The following NFRKB variants were observed in gnomAD, a reference collection of about 807,000 sequenced individuals.
NFRKB encodes nuclear factor related to kappa-B-binding protein.
In NFRKB, 62 loss-of-function variants were observed where a neutral mutation model predicts 135.7. The observed-to-expected ratio is 0.46, with a 90% CI of 0.37 to 0.56. The LOEUF (loss-of-function observed/expected upper bound fraction) is 0.56. Among genes scored for constraint, NFRKB ranks in the 20% least tolerant of loss-of-function variants. The pLI is 0.00. For missense variants in NFRKB, 1,545 were observed against 1,662.0 expected, an observed-to-expected ratio of 0.93 and a Z score of 1.22; for synonymous variants, 678 against 635.6, an observed-to-expected ratio of 1.07 and a Z score of -1.00.
intron 3 of NFRKB, 78 bp from the exon 4 acceptor site, chr11:129,888,873 C>T: frequency 1.0e-6 from 1 of 993,358 alleles, no homozygotes; most frequent in Non-Finnish European, 1.5e-6. Flanking sequence ...CAAAACATTA[C>T]ATAATATACA....
At chr11:129,877,241 G>GGTA (rs1429506486) in intron 16 of NFRKB, 84 bp downstream of exon 16, 5 of 1,338,178 alleles carry the variant, frequency 3.7e-6, no homozygotes, top group Non-Finnish European at 4.3e-6. Context: ...CTTGCAAGAA[G>GGTA]GTAGATGCAG....
intron 25 of NFRKB, 28 bp from the exon 26 acceptor site, chr11:129,865,129 T>C (rs1349357411): frequency 1.3e-6 from 2 of 1,597,078 alleles, no homozygotes; most frequent in East Asian, 2.3e-5. Flanking sequence ...GGGTGAGATA[T>C]AATGATATCG....
At position 129,879,353 on chromosome 11, in the gene NFRKB, T is replaced by C. The variant is rs140648476; in HGVS notation, c.1385-810A>G. 7.8e-3 allele frequency among the ~76,000 whole-genome samples: 1,193 copies of C among 152,246 alleles called. 18 individuals carry two copies. Among genetic ancestry groups the C allele is most frequent in the African/African-American group, 0.027 (1,124 of 41,542 alleles). On this transcript the variant is annotated intron_variant, in intron 13 of 26. Coordinates refer to ENST00000682444, the MANE Select transcript of NFRKB (RefSeq NM_001143835.2). The stretch of plus-strand genomic sequence containing the variant: ...TTATTATCTGGCCCTACAAGAAACA[T>C]TCTGCCAGGCCCAGGTATATGTGCT...
At position 129,886,314 on chromosome 11, in the gene NFRKB, T is replaced by C. The variant is rs1949275352; in HGVS notation, c.465+3A>G. 1 of 1,613,876 alleles carries C rather than the reference T, an allele frequency of 6.2e-7. No homozygotes were observed. Among genetic ancestry groups the C allele is most frequent in the Non-Finnish European group, 8.5e-7 (1 of 1,179,832 alleles). On this transcript the variant is annotated splice_donor_region_variant and intron_variant, in intron 5 of 26. Coordinates refer to ENST00000682444, the MANE Select transcript of NFRKB (RefSeq NM_001143835.2). ...TTTATATCCAGTTCCCAGCACTACT[T>C]ACACTCCGGGAAGCAAGAATTTGCT... is the stretch of plus-strand genomic sequence containing the variant.
intron 3 of NFRKB, among the ~76,000 whole-genome samples, chr11:129,889,869 G>A (rs1246809766): frequency 7.9e-5 from 12 of 151,430 alleles, no homozygotes; most frequent in Admixed American, 7.9e-4. Flanking sequence ...GATAAGACAG[G>A]GTACGTGGTG....
At chr11:129,882,311 T>C (rs970733377) in intron 10 of NFRKB, 117 bp from the exon 11 acceptor site, 1 of 1,345,516 alleles carries the variant, frequency 7.4e-7, no homozygotes, top group African/African-American at 1.5e-5. Context: ...GCAAACAATA[T>C]ATTTTCCCAG....
intron 24 of NFRKB, among the ~76,000 whole-genome samples, chr11:129,866,519 C>T (rs1948200237): frequency 6.6e-6 from 1 of 151,620 alleles, no homozygotes; most frequent in African/African-American, 2.4e-5. Context: ...AGAGGCCATG[C>T]TCTCCGGTGC....
chr11:129,876,746 A>G lies in NFRKB; in HGVS notation c.1722T>C (p.Pro574=). 6.2e-7 allele frequency: 1 copy of G among 1,613,938 alleles called. No homozygotes were observed. The highest frequency in any genetic ancestry group is 8.5e-7 in the Non-Finnish European group (1 of 1,179,902). The part of the protein sequence containing the change: ...REHSLLRSDR[P]AYVTILSLVR... ...CAAGAGACAGAATGGTGACGTAGGC[A>G]GGCCGGTCGGAGCGCAGCAGGGAGT... is the stretch of plus-strand genomic sequence containing the variant. Residue 574 remains proline (P), a synonymous_variant, in exon 17 of 27, where the codon CCT becomes CCC. Transcript: ENST00000682444.
Position 129,884,850 on chromosome 11 carries a change from C to T in NFRKB, c.641-4G>A. The T allele has an allele frequency of 6.2e-7, 1 of 1,614,162 alleles. No homozygotes were observed. The highest frequency in any genetic ancestry group is 8.5e-7 in the Non-Finnish European group (1 of 1,180,014). On this transcript the variant is annotated splice_polypyrimidine_tract_variant and splice_region_variant and intron_variant, in intron 6 of 26. Transcript: ENST00000682444. ...CTCGGAAGCCATGAGCTGAGATCTT[C>T]AAAAGAAAATTGTTCTTGTAAATCC...
In NFRKB at chr11:129,874,850, C is replaced by T. The variant is rs2135646945; in HGVS notation, c.1921G>A (p.Asp641Asn). The change falls in exon 19 of 27, where the codon GAC becomes AAC. Residue 641 changes from aspartate to asparagine, a missense_variant. Transcript: ENST00000682444. The surrounding 1 kb of genome is among the most constrained non-coding windows in gnomAD (Gnocchi z 4.5). ...TAGATCCACAGCTTTCGTCCAATGT[C>T]GTATTTCACACAGGGATCTTTTTCG... ...HYEKDPCVKYDIGRKLWIYLH... is the reference protein window; with the variant it reads ...HYEKDPCVKYNIGRKLWIYLH... 6.2e-7 allele frequency: 1 copy of T among 1,614,180 alleles called. No individual in the cohort carries two copies. Among genetic ancestry groups the T allele is most frequent in the Non-Finnish European group, 8.5e-7 (1 of 1,180,038 alleles).
At chr11:129,884,920 T>A in intron 6 of NFRKB, 74 bp from the exon 7 acceptor site, 1 of 1,609,452 alleles carries the variant, frequency 6.2e-7, no homozygotes, top group Non-Finnish European at 8.5e-7. Context: ...TAAGTGGCCA[T>A]TTGGGTTCAA....
At chr11:129,869,185 AG>A (rs1948368661) in intron 24 of NFRKB, among the ~76,000 whole-genome samples, 1 of 152,240 alleles carries the variant, frequency 6.6e-6, no homozygotes, top group Non-Finnish European at 1.5e-5. Flanking sequence ...ACTGGAACGT[AG>A]TCAGGTTTTA....
intron 24 of NFRKB, 102 bp from the exon 25 acceptor site, chr11:129,866,085 G>A (rs1377274450): frequency 8.2e-6 from 8 of 973,202 alleles, no homozygotes; most frequent in Non-Finnish European, 1.2e-5. Flanking sequence ...CACTACAGAT[G>A]CTGTCAGTCC....
chr11:129,872,815 A>T, intron 23 of NFRKB, 69 bp downstream of exon 23: 1 of 1,475,928 alleles, frequency 6.8e-7, no homozygotes, highest in Non-Finnish European at 9.2e-7. Context: ...CTGGCCAAGA[A>T]CCTCCAGCTC....
intron 13 of NFRKB, among the ~76,000 whole-genome samples, chr11:129,881,215 C>T (rs1949010660): frequency 6.6e-6 from 1 of 152,206 alleles, no homozygotes; most frequent in Non-Finnish European, 1.5e-5. Flanking sequence ...CTACATCATA[C>T]AGAAAGGCTA....
intron 7 of NFRKB, 72 bp downstream of exon 7, chr11:129,884,673 C>A: frequency 6.4e-7 from 1 of 1,552,418 alleles, no homozygotes; most frequent in Non-Finnish European, 8.8e-7. Context: ...CCCCACCCAC[C>A]TCCCTCTAAA....
intron 15 of NFRKB, among the ~76,000 whole-genome samples, chr11:129,877,824 G>A (rs928987870): frequency 1.3e-5 from 2 of 152,156 alleles, no homozygotes; most frequent in African/African-American, 4.8e-5. Flanking sequence ...CTTAGACCGG[G>A]CCTCTGTCCT....
At chr11:129,865,312 A>G (rs1462615434) in intron 25 of NFRKB, among the ~76,000 whole-genome samples, 1 of 152,184 alleles carries the variant, frequency 6.6e-6, no homozygotes, top group African/African-American at 2.4e-5. Context: ...AGAAGACCCC[A>G]GTGCTCTGGA....
At chr11:129,872,760 G>T (rs1308032031) in intron 23 of NFRKB, 124 bp downstream of exon 23, 1 of 980,954 alleles carries the variant, frequency 1.0e-6, no homozygotes, top group Non-Finnish European at 1.5e-6. Context: ...GTATCTATAA[G>T]CTGAGAGTCG....
Sources: allele counts gnomAD v4.1 joint callset (sites outside exome capture counted in the v4.1 genomes callset), GRCh38; gene constraint gnomAD v4.1.1; non-coding constraint Gnocchi (gnomAD v3.1); transcripts MANE v1.5; gene names NCBI Gene and HGNC (gene_info 2026-07-23, HGNC 2026-07-21).